Variants in REV1 observed in about 807,000 individuals in gnomAD.
REV1 encodes translesion synthesis protein REV1.
A neutral mutation model predicts 137.4 loss-of-function variants in REV1; 42 were observed. The ratio of observed to expected loss-of-function variants is 0.31; its 90% CI spans 0.24 to 0.40. REV1 has a LOEUF of 0.40. Among genes scored for constraint, REV1 ranks in the 10% least tolerant of loss-of-function variants. REV1 has a pLI of 1.00. For missense variants in REV1, 1,282 were observed against 1,490.1 expected, an observed-to-expected ratio of 0.86 and a Z score of 2.30; for synonymous variants, 524 against 519.2, an observed-to-expected ratio of 1.01 and a Z score of -0.12.
intron 8 of REV1, 72 bp downstream of exon 8, chr2:99,434,256 TAACA>T: frequency 1.1e-6 from 1 of 890,326 alleles, no homozygotes; most frequent in African/African-American, 1.7e-5. Flanking sequence ...TCATTTCTAT[TAACA>T]ACCATGCCAA....
intron 1 of REV1, among the ~76,000 whole-genome samples, chr2:99,478,363 T>C (rs1365951913): frequency 6.6e-6 from 1 of 152,190 alleles, no homozygotes; most frequent in East Asian, 1.9e-4. Flanking sequence ...ATGGCCCAAT[T>C]GCATTTATTA....
In REV1 at chr2:99,466,411, T is replaced by C. The variant is rs576498230; in HGVS notation, c.-10-1426A>G. Among the ~76,000 whole-genome samples the C allele has an allele frequency of 1.3e-4, 20 of 151,878 alleles. No homozygotes were observed. In the South Asian group the frequency reaches 4.0e-3, roughly 30 times the overall value. On this transcript the variant is annotated intron_variant, in intron 1 of 22. Transcript: ENST00000258428. Reference sequence around the variant, plus strand: ...GCACCTGCCACCATGCCTGGCTATTTTTGTATTTTTAGTAGAGATGGGGTT... The same window carrying C: ...GCACCTGCCACCATGCCTGGCTATTCTTGTATTTTTAGTAGAGATGGGGTT...
chr2:99,442,252 CA>C (rs3070575), intron 5 of REV1, 64 bp downstream of exon 5: 46,339 of 531,694 alleles, frequency 0.087, 7 homozygotes, highest in East Asian at 0.11. Flanking sequence ...AACTCCATCT[CA>C]AAAAAAAAAA....
At chr2:99,459,143 GCT>G (rs1431388928) in intron 3 of REV1, among the ~76,000 whole-genome samples, 1 of 151,718 alleles carries the variant, frequency 6.6e-6, no homozygotes, top group Non-Finnish European at 1.5e-5. Context: ...GGGAGGCAGA[GCT>G]TGCAGTGAGC....
At chr2:99,439,751 C>T (rs1681237263) in intron 5 of REV1, among the ~76,000 whole-genome samples, 1 of 152,150 alleles carries the variant, frequency 6.6e-6, no homozygotes, top group African/African-American at 2.4e-5. Flanking sequence ...TTGGCATTTA[C>T]TACATGGTCA....
intron 1 of REV1, among the ~76,000 whole-genome samples, chr2:99,487,184 G>A (rs1276428461): frequency 6.6e-6 from 1 of 152,200 alleles, no homozygotes; most frequent in Non-Finnish European, 1.5e-5. Flanking sequence ...TATGGGACTG[G>A]GGTAGGTTGC....
At chr2:99,483,191 G>A (rs1037333597) in intron 1 of REV1, among the ~76,000 whole-genome samples, 6 of 151,736 alleles carry the variant, frequency 4.0e-5, no homozygotes, top group African/African-American at 1.5e-4. Flanking sequence ...GTAAAATACA[G>A]AACTTAATGA....
In REV1 at chr2:99,487,651, T is replaced by C. The variant is rs773672570; in HGVS notation, c.-11+2166A>G. On this transcript the variant is annotated intron_variant, in intron 1 of 22. Transcript: ENST00000258428. ...GTGCTATTATAGTAAAAAAAAACTT[T>C]TCATTTTTAAATGTTCTGTTTAATA... 2.5e-5 allele frequency among the ~76,000 whole-genome samples: 3 copies of C among 119,370 alleles called. 1 individual carries two copies. Among genetic ancestry groups the C allele is most frequent in the Admixed American group, 2.1e-4 (2 of 9,426 alleles). 78.3% of individuals were successfully genotyped at this position (119,370 alleles called of 152,430 possible). A position where few individuals can be genotyped will look rare whatever the true frequency, so the allele number is the denominator to read the frequency against.
intron 3 of REV1, among the ~76,000 whole-genome samples, chr2:99,458,507 T>C (rs1683782360): frequency 6.6e-6 from 1 of 152,312 alleles, no homozygotes. Context: ...TACAACCACT[T>C]TGGGTAACAG....
rs142140933 is a variant in REV1 at position 99,455,636 on chromosome 2, T to A, written c.182-6132A>T. The stretch of plus-strand genomic sequence containing the variant: ...CCATCTCTTATCTACAAGATGAGAG[T>A]CTCACAGGAAATGGAAGGAGAGATA... On this transcript the variant is annotated intron_variant, in intron 3 of 22. Coordinates refer to ENST00000258428, the MANE Select transcript of REV1 (RefSeq NM_016316.4). Among the ~76,000 whole-genome samples, 13 of 152,134 alleles carry A rather than the reference T, an allele frequency of 8.5e-5. No homozygotes were observed. In the East Asian group the frequency reaches 2.5e-3, roughly 29 times the overall value.
At chr2:99,483,557 G>A (rs1215130090) in intron 1 of REV1, among the ~76,000 whole-genome samples, 1 of 152,168 alleles carries the variant, frequency 6.6e-6, no homozygotes, top group East Asian at 1.9e-4. Context: ...GTTTCTCAAA[G>A]CATCCTATGT....
chr2:99,422,238 TA>T (rs935033618), intron 10 of REV1, among the ~76,000 whole-genome samples: 9 of 152,216 alleles, frequency 5.9e-5, no homozygotes, highest in Admixed American at 5.9e-4. Flanking sequence ...ACATACTTTT[TA>T]AAAAATCATC....
intron 1 of REV1, among the ~76,000 whole-genome samples, chr2:99,472,847 C>T (rs1685569118): frequency 6.6e-6 from 1 of 152,186 alleles, no homozygotes; most frequent in Admixed American, 6.5e-5. Context: ...CTTATTCTGT[C>T]CTTTAATGGT....
rs548785589 is a variant in REV1, at chr2:99,471,234, G to C, written c.-10-6249C>G. ...TACTTAGCTGTCAATTCTCTGCTAA[G>C]GCATTTATTGACAACTAAGGAACTG... On this transcript the variant is annotated intron_variant, in intron 1 of 22. Transcript: ENST00000258428. Among the ~76,000 whole-genome samples the C allele has an allele frequency of 2.0e-5, 3 of 152,248 alleles. No homozygotes were observed. In the South Asian group the frequency reaches 6.2e-4, roughly 32 times the overall value.
At chr2:99,447,977 T>C (rs1043442510) in intron 4 of REV1, among the ~76,000 whole-genome samples, 1 of 152,188 alleles carries the variant, frequency 6.6e-6, no homozygotes, top group Non-Finnish European at 1.5e-5. Context: ...ATTACAGGCA[T>C]GAGCCACCAT....
chr2:99,433,484 G>C (rs1308021056), intron 8 of REV1, among the ~76,000 whole-genome samples: 1 of 152,184 alleles, frequency 6.6e-6, no homozygotes, highest in Non-Finnish European at 1.5e-5. Context: ...AAGGTCCTCA[G>C]AGATGTTCGC....
intron 15 of REV1, chr2:99,406,866 C>CT: frequency 6.4e-6 from 1 of 155,572 alleles, no homozygotes; most frequent in Non-Finnish European, 1.4e-5. Context: ...CTATTTTTAT[C>CT]TTTTTTAAAT....
chr2:99,442,035 C>CCT (rs1681548707), intron 5 of REV1, among the ~76,000 whole-genome samples: 1 of 151,824 alleles, frequency 6.6e-6, no homozygotes, highest in Non-Finnish European at 1.5e-5. Flanking sequence ...AGGTAGATCA[C>CCT]AAGGCCAGGA....
At chr2:99,467,517 A>G (rs1444524622) in intron 1 of REV1, among the ~76,000 whole-genome samples, 1 of 152,182 alleles carries the variant, frequency 6.6e-6, no homozygotes, top group Non-Finnish European at 1.5e-5. Context: ...TCTCTTCCCC[A>G]AACCAGATTA....
Sources: allele counts gnomAD v4.1 joint callset (sites outside exome capture counted in the v4.1 genomes callset), GRCh38; gene constraint gnomAD v4.1.1; transcripts MANE v1.5; gene names NCBI Gene and HGNC (gene_info 2026-07-23, HGNC 2026-07-21).